UBXN2A: variants seen among roughly 807,000 people sequenced by gnomAD.
The protein encoded by UBXN2A is UBX domain protein 2A, also known as UBX domain-containing protein 2A.
Under a neutral mutation model 28.4 loss-of-function variants are expected in UBXN2A, and 28 were observed. That is an observed-to-expected ratio of 0.99 (90% CI 0.73 to 1.35). The LOEUF (loss-of-function observed/expected upper bound fraction) is 1.35, where lower values mean the gene tolerates loss of function less well. Among genes scored for constraint, UBXN2A ranks in the 40% most tolerant of loss-of-function variants. UBXN2A has a pLI of 0.00. For synonymous variants in UBXN2A, 97 were observed against 103.6 expected (o/e 0.94, Z 0.39); for missense variants, 253 against 297.9 (o/e 0.85, Z 1.11).
chr2:23,958,473 A>G (rs1706746315), intron 2 of UBXN2A, 118 bp downstream of exon 2: 1 of 888,306 alleles, frequency 1.1e-6, no homozygotes, highest in Middle Eastern at 2.5e-4. Flanking sequence ...TGACTACTTC[A>G]TTGTCATCTA....
At chr2:23,932,416 A>G (rs142996307) in intron 1 of UBXN2A, among the ~76,000 whole-genome samples, 1,829 of 152,222 alleles carry the variant, frequency 0.012, 21 homozygotes, top group South Asian at 0.041. Context: ...ATCCCGCAAA[A>G]TCCTGCTACA....
intron 3 of UBXN2A, among the ~76,000 whole-genome samples, chr2:23,973,470 C>A (rs111869566): frequency 0.12 from 18,188 of 151,306 alleles, 1,165 homozygotes; most frequent in Middle Eastern, 0.21. Context: ...TCCCGAGTAG[C>A]CCGGACTACA....
intron 2 of UBXN2A, among the ~76,000 whole-genome samples, chr2:23,965,605 T>C (rs1327545365): frequency 6.6e-6 from 1 of 152,214 alleles, no homozygotes; most frequent in Non-Finnish European, 1.5e-5. Context: ...ATATACATTG[T>C]TGTATTCTGT....
chr2:23,930,491 G>GA (rs1705334993), intron 1 of UBXN2A, among the ~76,000 whole-genome samples: 1 of 152,126 alleles, frequency 6.6e-6, no homozygotes, highest in Non-Finnish European at 1.5e-5. Context: ...GGATTTTAGG[G>GA]AAAACCTCTG....
At chr2:23,994,077 C>T (rs1449121476) in intron 6 of UBXN2A, among the ~76,000 whole-genome samples, 1 of 152,182 alleles carries the variant, frequency 6.6e-6, no homozygotes, top group Non-Finnish European at 1.5e-5. Context: ...TTTCACTAGG[C>T]TAGAACTGTC....
chr2:23,962,486 A>G (rs1053577414), intron 2 of UBXN2A, among the ~76,000 whole-genome samples: 2 of 152,202 alleles, frequency 1.3e-5, no homozygotes, highest in East Asian at 1.9e-4. Flanking sequence ...CCTACAACTC[A>G]GTAGCAAAAA....
At position 23,991,406 on chromosome 2, in the gene UBXN2A, TACAC is replaced by T. The variant is rs371442810; in HGVS notation, c.584+6597_584+6600del. Among the ~76,000 whole-genome samples the T allele has an allele frequency of 9.1e-3, 1,355 of 148,516 alleles. 16 individuals carry two copies. The highest frequency in any genetic ancestry group is 0.029 in the African/African-American group (1,188 of 40,628). On this transcript the variant is annotated intron_variant, in intron 6 of 6. Transcript: ENST00000309033. Reference sequence around the variant, plus strand: ...GCATGTGATTTTATATTTTATTTTATACACACACACACACACACACACACATATA... The same window carrying T: ...GCATGTGATTTTATATTTTATTTTATACACACACACACACACACACATATA...
intron 1 of UBXN2A, among the ~76,000 whole-genome samples, chr2:23,956,061 G>T (rs1025178604): frequency 1.3e-5 from 2 of 151,886 alleles, no homozygotes; most frequent in Admixed American, 6.6e-5. Context: ...GATGGGTTTT[G>T]CCATGTTGGA....
chr2:23,979,274 G>A (rs553820220), intron 4 of UBXN2A, among the ~76,000 whole-genome samples: 5 of 152,002 alleles, frequency 3.3e-5, no homozygotes, highest in Admixed American at 6.6e-5. Flanking sequence ...GAACCCAGGA[G>A]GCAGAGGTTG....
At chr2:23,945,107 CATAAG>C (rs1705998991) in intron 1 of UBXN2A, among the ~76,000 whole-genome samples, 1 of 151,938 alleles carries the variant, frequency 6.6e-6, no homozygotes, top group African/African-American at 2.4e-5. Flanking sequence ...CCCTTTGTGA[CATAAG>C]ATAACATTTC....
Position 23,954,931 on chromosome 2 carries a change from CT to C in UBXN2A, c.-14-3350del, listed in dbSNP as rs35139100. ...GTGCCACTGTGCCCAGCTTGCCTAC[CT>C]TTTTTTTTTTTTTTTTTTTGAAACA... On this transcript the variant is annotated intron_variant, in intron 1 of 6. Coordinates refer to ENST00000309033, the MANE Select transcript of UBXN2A (RefSeq NM_181713.4). 2.1e-3 allele frequency among the ~76,000 whole-genome samples: 258 copies of C among 120,814 alleles called. 1 individual carries two copies. Among genetic ancestry groups the C allele is most frequent in the South Asian group, 0.021 (72 of 3,490 alleles). 79.3% of individuals were successfully genotyped at this position (120,814 alleles called of 152,430 possible). A position where few individuals can be genotyped will look rare whatever the true frequency, so the allele number is the denominator to read the frequency against.
chr2:23,930,263 C>G (rs150328991), intron 1 of UBXN2A, among the ~76,000 whole-genome samples: 4 of 152,058 alleles, frequency 2.6e-5, no homozygotes, highest in African/African-American at 7.2e-5. Flanking sequence ...CATAGTGAGT[C>G]CCTGTCTCTA....
intron 1 of UBXN2A, among the ~76,000 whole-genome samples, chr2:23,945,150 C>T (rs191981320): frequency 1.3e-5 from 2 of 152,072 alleles, no homozygotes; most frequent in African/African-American, 4.8e-5. Flanking sequence ...TGAGAATGTC[C>T]TGGAATGGGA....
intron 1 of UBXN2A, chr2:23,944,111 C>T: frequency 1.3e-6 from 1 of 747,806 alleles, no homozygotes; most frequent in Non-Finnish European, 2.4e-6. Flanking sequence ...GGCATGTCAG[C>T]CCTGTTACTC....
intron 2 of UBXN2A, among the ~76,000 whole-genome samples, chr2:23,961,005 T>C (rs1027492647): frequency 1.3e-5 from 2 of 152,024 alleles, no homozygotes; most frequent in African/African-American, 4.8e-5. Flanking sequence ...CAATATGTGG[T>C]CTTTTGTGAC....
At chr2:23,980,675 T>C (rs1707855131) in intron 4 of UBXN2A, among the ~76,000 whole-genome samples, 1 of 152,166 alleles carries the variant, frequency 6.6e-6, no homozygotes, top group South Asian at 2.1e-4. Flanking sequence ...TCGGCGAGGC[T>C]GGAGTGCAGT....
chr2:23,942,242 G>A (rs1301905053), intron 1 of UBXN2A, among the ~76,000 whole-genome samples: 1 of 152,064 alleles, frequency 6.6e-6, no homozygotes, highest in Non-Finnish European at 1.5e-5. Context: ...AGATATTAGG[G>A]ATAAATAGGA....
At chr2:23,937,250 T>G (rs150800300), upstream of UBXN2A, among the ~76,000 whole-genome samples, 2,211 of 152,094 alleles carry the variant, frequency 0.015, 29 homozygotes, top group Middle Eastern at 0.037. Context: ...TAGAAAGAAA[T>G]AAATAAAACT....
rs187678481 is a variant in UBXN2A, at chr2:23,956,987, C to T, written c.-14-1314C>T. Among the ~76,000 whole-genome samples the T allele has an allele frequency of 4.6e-5, 7 of 152,268 alleles. No homozygotes were observed. In the East Asian group the frequency reaches 7.7e-4, roughly 17 times the overall value. On this transcript the variant is annotated intron_variant, in intron 1 of 6. Transcript: ENST00000309033. ...AAAATAGCATACTATTTGCAGATAA[C>T]GTATGCACATCCTCCTGTATACTAT... is the stretch of plus-strand genomic sequence containing the variant.
Sources: allele counts gnomAD v4.1 joint callset (sites outside exome capture counted in the v4.1 genomes callset), GRCh38; gene constraint gnomAD v4.1.1; transcripts MANE v1.5; gene names NCBI Gene and HGNC (gene_info 2026-07-23, HGNC 2026-07-21).